Variants in KDM4B observed in about 807,000 individuals in gnomAD.
The protein encoded by KDM4B is lysine demethylase 4B, also known as lysine-specific demethylase 4B.
Under a neutral mutation model 125.2 loss-of-function variants are expected in KDM4B, and 32 were observed. That is an observed-to-expected ratio of 0.26 (90% CI 0.19 to 0.34). The LOEUF (loss-of-function observed/expected upper bound fraction) is 0.34, where lower values mean the gene tolerates loss of function less well. KDM4B is among the 10% of genes least tolerant of loss of function. The pLI is 1.00. For synonymous variants in KDM4B, 721 were observed against 677.9 expected, an observed-to-expected ratio of 1.06 and a Z score of -0.99; for missense variants, 1,190 against 1,577.7, an observed-to-expected ratio of 0.75 and a Z score of 4.16.
intron 1 of KDM4B, among the ~76,000 whole-genome samples, chr19:5,014,181 C>T (rs1379091094): frequency 6.6e-6 from 1 of 152,210 alleles, no homozygotes; most frequent in Non-Finnish European, 1.5e-5. Flanking sequence ...GGGTCTCGCT[C>T]TGTCGCCCAG....
At chr19:4,975,028 C>T (rs1160138659) in intron 1 of KDM4B, among the ~76,000 whole-genome samples, 3 of 152,130 alleles carry the variant, frequency 2.0e-5, no homozygotes, top group Non-Finnish European at 4.4e-5. Context: ...GTTCTCTTTC[C>T]ACCCAGCCGG....
intron 3 of KDM4B, among the ~76,000 whole-genome samples, chr19:5,036,959 G>T (rs991804238): frequency 6.6e-6 from 1 of 152,204 alleles, no homozygotes; most frequent in African/African-American, 2.4e-5. Context: ...CGTGTGTGCG[G>T]CGCAGACACC....
At chr19:5,151,032 T>C (rs1367550733) in intron 22 of KDM4B, among the ~76,000 whole-genome samples, 9 of 152,156 alleles carry the variant, frequency 5.9e-5, no homozygotes, top group African/African-American at 2.2e-4. Flanking sequence ...TTCCTGGTCC[T>C]GGCCACAGCT....
chr19:4,994,612 A>G (rs1351763559), intron 1 of KDM4B, among the ~76,000 whole-genome samples: 1 of 149,570 alleles, frequency 6.7e-6, no homozygotes, highest in African/African-American at 2.4e-5. Context: ...AAGACAGTAT[A>G]TAGTATAGTA....
chr19:5,082,556 T>G lies in KDM4B; in HGVS notation c.918+52T>G. The G allele has an allele frequency of 6.6e-7, 1 of 1,524,706 alleles. No individual in the cohort carries two copies. Among genetic ancestry groups the G allele is most frequent in the Non-Finnish European group, 8.8e-7 (1 of 1,141,008 alleles). The allele number at this position is 1,524,706 out of a possible 1,614,324, so 94.4% of individuals were successfully genotyped here. ...TCCCAGCAGGGCGGGAGGAGGCTCT[T>G]TTTTGCCTCTGCAGCCACACGCCCA... On this transcript the variant is annotated intron_variant, in intron 9 of 22. Coordinates refer to ENST00000159111, the MANE Select transcript of KDM4B (RefSeq NM_015015.3). The surrounding 1 kb of genome is among the most constrained non-coding windows in gnomAD (Gnocchi z 5.4).
At position 5,131,416 on chromosome 19, in the gene KDM4B, G is replaced by A; in HGVS notation, c.1656G>A (p.Glu552=). The A allele has an allele frequency of 6.2e-7, 1 of 1,611,232 alleles. No individual in the cohort carries two copies. ...QEHVSCQQAF[E]HFAQKGPTWK... The stretch of plus-strand genomic sequence containing the variant: ...ACGTGTCCTGCCAGCAGGCCTTTGA[G>A]CACTTTGCCCAGAAGGGTCCGACCT... The change falls in exon 12 of 23, where the codon GAG becomes GAA. Residue 552 remains glutamate, a synonymous_variant. Transcript: ENST00000159111.
intron 1 of KDM4B, among the ~76,000 whole-genome samples, chr19:4,969,682 AC>A (rs1280475908): frequency 6.6e-6 from 1 of 151,758 alleles, no homozygotes; most frequent in Non-Finnish European, 1.5e-5. Flanking sequence ...CCCCTGGGTA[AC>A]CCCCGCCTGC....
At chr19:4,977,007 C>G (rs917485755) in intron 1 of KDM4B, among the ~76,000 whole-genome samples, 1 of 152,092 alleles carries the variant, frequency 6.6e-6, no homozygotes, top group African/African-American at 2.4e-5. Flanking sequence ...TCAAAAGTTG[C>G]CTGTCTTTTT....
At chr19:5,113,897 G>T in intron 10 of KDM4B, 2 of 1,198,092 alleles carry the variant, frequency 1.7e-6, no homozygotes, top group Non-Finnish European at 2.1e-6. Flanking sequence ...GTGCCCCATG[G>T]GGTGCGGATG....
At chr19:4,978,184 G>C (rs1698889384) in intron 1 of KDM4B, among the ~76,000 whole-genome samples, 1 of 152,084 alleles carries the variant, frequency 6.6e-6, no homozygotes, top group African/African-American at 2.4e-5. Context: ...ACGAGGCGGA[G>C]GAAGTCGTTC....
chr19:4,991,406 T>G (rs197140), intron 1 of KDM4B, among the ~76,000 whole-genome samples: 60,311 of 151,838 alleles, frequency 0.4, 12,703 homozygotes, highest in East Asian at 0.72. Context: ...TTGAGTCCAG[T>G]AGTTCGAGAC....
At chr19:5,134,343 G>A (rs1006758419) in intron 14 of KDM4B, among the ~76,000 whole-genome samples, 8 of 152,290 alleles carry the variant, frequency 5.3e-5, no homozygotes, top group Middle Eastern at 6.8e-3. Flanking sequence ...GGGAGCGCCC[G>A]TGTCTGGTGG....
At chr19:5,017,962 C>T (rs866103086) in intron 2 of KDM4B, among the ~76,000 whole-genome samples, 2 of 151,968 alleles carry the variant, frequency 1.3e-5, no homozygotes, top group Non-Finnish European at 2.9e-5. Context: ...GGATGGTCTC[C>T]ATTTCCTGAC....
At chr19:5,093,804 G>A (rs2038761951) in intron 9 of KDM4B, among the ~76,000 whole-genome samples, 1 of 152,224 alleles carries the variant, frequency 6.6e-6, no homozygotes, top group African/African-American at 2.4e-5. Flanking sequence ...GGCAGTGGAT[G>A]AGGCCATCGA....
chr19:4,991,988 G>A (rs564084240), intron 1 of KDM4B, among the ~76,000 whole-genome samples: 91 of 152,278 alleles, frequency 6.0e-4, no homozygotes, highest in Admixed American at 1.0e-3. Context: ...ATTTCTGTGA[G>A]ACGGGTGGCA....
chr19:5,090,295 G>A (rs947806940), intron 9 of KDM4B, among the ~76,000 whole-genome samples: 11 of 151,332 alleles, frequency 7.3e-5, no homozygotes, highest in Non-Finnish European at 1.2e-4. Flanking sequence ...TGCAGTACCC[G>A]GTTCGTTTTG....
At chr19:5,031,407 G>A (rs967221832) in intron 2 of KDM4B, among the ~76,000 whole-genome samples, 1 of 152,246 alleles carries the variant, frequency 6.6e-6, no homozygotes, top group African/African-American at 2.4e-5. Context: ...GCCGTGCACG[G>A]TGCACTTGGG....
rs2039755655 is a variant in KDM4B, at chr19:5,142,162, A to G, written c.2551-1805A>G. On this transcript the variant is annotated intron_variant, in intron 18 of 22. Transcript: ENST00000159111. This position sits in a 1 kb window ranked among gnomAD's most constrained non-coding sequence, Gnocchi z 5.4. ...CGTCCTCACAGCCCTGTGGCCTCCG[A>G]GGAAGGACACCGAGCCGGGAACTTC... 6.6e-6 allele frequency among the ~76,000 whole-genome samples: 1 copy of G among 152,034 alleles called. No individual in the cohort carries two copies. The highest frequency in any genetic ancestry group is 2.1e-4 in the South Asian group (1 of 4,822).
At chr19:5,018,842 A>T (rs2035971212) in intron 2 of KDM4B, among the ~76,000 whole-genome samples, 1 of 152,226 alleles carries the variant, frequency 6.6e-6, no homozygotes, top group Non-Finnish European at 1.5e-5. Context: ...GGAGTCTCTC[A>T]CTGAGTGGCC....
Sources: gnomAD v4.1 joint callset for allele counts (sites outside exome capture counted in the v4.1 genomes callset) on GRCh38, gnomAD v4.1.1 for gene constraint, Gnocchi (gnomAD v3.1) non-coding constraint, MANE v1.5 for transcripts, NCBI Gene and HGNC (gene_info 2026-07-23, HGNC 2026-07-21) for gene names.